Variants in TMTC1 observed in about 807,000 individuals in gnomAD.
TMTC1 encodes protein O-mannosyl-transferase TMTC1.
TMTC1 carries 73 observed loss-of-function variants against 104.8 expected under a neutral mutation model. The ratio of observed to expected loss-of-function variants is 0.70; its 90% confidence interval spans 0.58 to 0.85. The LOEUF (loss-of-function observed/expected upper bound fraction) is 0.85, where lower values mean the gene tolerates loss of function less well. Ranked by LOEUF, TMTC1 falls within the 40% of genes least tolerant of loss-of-function variation. TMTC1 has a pLI of 0.00. For synonymous variants in TMTC1, 434 were observed against 428.7 expected (o/e 1.01, Z -0.15); for missense variants, 1,035 against 1,096.1 (o/e 0.94, Z 0.79).
chr12:29,645,504 T>C (rs1021934614), intron 5 of TMTC1, among the ~76,000 whole-genome samples: 2 of 152,240 alleles, frequency 1.3e-5, no homozygotes, highest in South Asian at 4.1e-4. Context: ...GCCATTAATA[T>C]AGTAATCTTA....
intron 12 of TMTC1, 111 bp from the exon 13 acceptor site, chr12:29,518,718 C>A: frequency 1.5e-6 from 2 of 1,348,110 alleles, no homozygotes; most frequent in Non-Finnish European, 2.0e-6. Flanking sequence ...CAGAGTTATA[C>A]CAAAATTATT....
chr12:29,763,661 A>T (rs1300095749), intron 2 of TMTC1, among the ~76,000 whole-genome samples: 3 of 152,236 alleles, frequency 2.0e-5, no homozygotes, highest in Non-Finnish European at 4.4e-5. Flanking sequence ...GAAGAGATTA[A>T]TTTTTACTGT....
At chr12:29,671,877 T>A (rs1340338546) in intron 5 of TMTC1, among the ~76,000 whole-genome samples, 1 of 150,482 alleles carries the variant, frequency 6.6e-6, no homozygotes, top group Non-Finnish European at 1.5e-5. Context: ...GATGAAAGAG[T>A]CTGGGTAGGC....
chr12:29,769,937 T>C (rs1453282261), intron 1 of TMTC1, among the ~76,000 whole-genome samples: 2 of 151,804 alleles, frequency 1.3e-5, no homozygotes, highest in Admixed American at 6.6e-5. Context: ...TAAGTATATA[T>C]ACAAATACAT....
intron 5 of TMTC1, chr12:29,661,376 AC>A: frequency 1.0e-6 from 1 of 972,586 alleles, no homozygotes; most frequent in Non-Finnish European, 1.2e-6. Flanking sequence ...CAGATCTCTT[AC>A]CTCTAAAAAT....
intron 1 of TMTC1, among the ~76,000 whole-genome samples, chr12:29,774,025 AGT>A (rs10590084): frequency 0.85 from 128,810 of 151,240 alleles, 57,189 homozygotes; most frequent in East Asian, 0.98. Context: ...TGGAGACATG[AGT>A]GTGTGTGTGT....
intron 5 of TMTC1, among the ~76,000 whole-genome samples, chr12:29,669,538 T>C (rs1026508235): frequency 6.6e-6 from 1 of 152,142 alleles, no homozygotes; most frequent in African/African-American, 2.4e-5. Flanking sequence ...TAGACAGCTA[T>C]TTTGGAAATT....
chr12:29,748,972 T>C (rs1943022648), intron 5 of TMTC1, among the ~76,000 whole-genome samples: 1 of 152,194 alleles, frequency 6.6e-6, no homozygotes, highest in Admixed American at 6.5e-5. Context: ...TTTATGTCTA[T>C]TGCATCCGTC....
Position 29,755,788 on chromosome 12 carries a change from C to T in TMTC1, c.652G>A (p.Val218Met), listed in dbSNP as rs148020207. The change falls in exon 4 of 18, where the codon GTG (valine) becomes ATG (methionine). Residue 218 changes from valine (V) to methionine (M), a missense_variant. Val to Met is a conservative substitution (Grantham distance 21). Coordinates refer to ENST00000539277, the MANE Select transcript of TMTC1 (RefSeq NM_001193451.2). Reference sequence around the variant, plus strand: ...AACACCGTGATGCCTGTCTCTTTCACCAGCATCGCACAGGTCCCCAGAAAC... The same window carrying T: ...AACACCGTGATGCCTGTCTCTTTCATCAGCATCGCACAGGTCCCCAGAAAC... ...SLFLGTCAML[V>M]KETGITVFGV... The T allele has an allele frequency of 3.1e-6, 5 of 1,614,146 alleles. No individual in the cohort carries two copies. Among genetic ancestry groups the T allele is most frequent in the East Asian group, 2.2e-5 (1 of 44,882 alleles).
intron 5 of TMTC1, 100 bp downstream of exon 5, chr12:29,751,566 G>A: frequency 8.1e-7 from 1 of 1,228,510 alleles, no homozygotes; most frequent in Non-Finnish European, 1.2e-6. Context: ...GGAGGTCACA[G>A]TGTGCTGACT....
intron 11 of TMTC1, 189 bp downstream of exon 11, chr12:29,536,020 G>A (rs1208984359): frequency 7.2e-6 from 4 of 558,716 alleles, no homozygotes; most frequent in African/African-American, 3.9e-5. Flanking sequence ...GTCTAAAAGC[G>A]ACCTGTGATA....
At chr12:29,584,244 G>A (rs1393471136) in intron 7 of TMTC1, among the ~76,000 whole-genome samples, 2 of 152,252 alleles carry the variant, frequency 1.3e-5, no homozygotes, top group African/African-American at 4.8e-5. Flanking sequence ...TCAGCATTAC[G>A]TCTCTAAAAG....
At chr12:29,694,210 T>C (rs1941347058) in intron 5 of TMTC1, among the ~76,000 whole-genome samples, 2 of 152,204 alleles carry the variant, frequency 1.3e-5, no homozygotes, top group African/African-American at 2.4e-5. Context: ...CGCTTGCCTA[T>C]GCTTCTTGAA....
intron 5 of TMTC1, among the ~76,000 whole-genome samples, chr12:29,675,630 A>ACACACACACC (rs1555185783): frequency 5.3e-4 from 50 of 94,954 alleles, no homozygotes; most frequent in East Asian, 3.6e-3. Context: ...ACACACACAC[A>ACACACACACC]CCCTCCATGA....
chr12:29,632,138 C>A (rs1481486682), intron 6 of TMTC1, among the ~76,000 whole-genome samples: 15 of 152,142 alleles, frequency 9.9e-5, no homozygotes. Flanking sequence ...TTTCCCAAAC[C>A]AAATTTTTCC....
chr12:29,506,546 G>T lies in TMTC1; in HGVS notation c.*300C>A. 1 of 305,618 alleles carries T rather than the reference G, an allele frequency of 3.3e-6. No homozygotes were observed. Among genetic ancestry groups the T allele is most frequent in the Non-Finnish European group, 6.2e-6 (1 of 162,550 alleles). The allele number at this position is 305,618 out of a possible 1,614,324, so 18.9% of individuals were successfully genotyped here. Reference sequence around the variant, plus strand: ...AGAATTAGATCTCCAGGTCTCAAAAGCACAGAGATATATCAAGAGAAATCT... The same window carrying T: ...AGAATTAGATCTCCAGGTCTCAAAATCACAGAGATATATCAAGAGAAATCT... On this transcript the variant is annotated 3_prime_UTR_variant, in exon 18 of 18. Transcript: ENST00000539277.
chr12:29,615,672 AT>A (rs1157257115), intron 6 of TMTC1, among the ~76,000 whole-genome samples: 1 of 152,158 alleles, frequency 6.6e-6, no homozygotes, highest in African/African-American at 2.4e-5. Context: ...TCAAACATCT[AT>A]ATACACATTT....
rs145704787 is a variant in TMTC1 at position 29,567,075 on chromosome 12, C to T, written c.1532+5030G>A. Among the ~76,000 whole-genome samples the T allele has an allele frequency of 2.6e-4, 39 of 152,284 alleles. No individual in the cohort carries two copies. In the East Asian group the frequency reaches 7.5e-3, roughly 29 times the overall value. On this transcript the variant is annotated intron_variant, in intron 9 of 17. Transcript: ENST00000539277. ...GGTTTAAAAGTAAATCTCTTGCCTC[C>T]ATTCATGACACCTCTAAGGGGACAT...
chr12:29,771,583 G>C (rs1592037300), intron 1 of TMTC1, among the ~76,000 whole-genome samples: 1 of 152,300 alleles, frequency 6.6e-6, no homozygotes, highest in South Asian at 2.1e-4. Context: ...GTAGGAGCAG[G>C]CAAGGTAATT....
Sources: allele counts gnomAD v4.1 joint callset (sites outside exome capture counted in the v4.1 genomes callset), GRCh38; gene constraint gnomAD v4.1.1; transcripts MANE v1.5; gene names NCBI Gene and HGNC (gene_info 2026-07-23, HGNC 2026-07-21).